NBPF14: variants seen among roughly 807,000 people sequenced by gnomAD.
NBPF14 encodes the protein NBPF member 14.
Under a neutral mutation model 91.2 loss-of-function variants are expected in NBPF14, and 104 were observed. The observed-to-expected ratio is 1.14, with a 90% CI of 0.97 to 1.34. NBPF14 has a LOEUF of 1.34. Among genes scored for constraint, NBPF14 ranks in the 40% most tolerant of loss-of-function variants. The probability of loss-of-function intolerance (pLI) is 0.00; values close to 1 mark genes in which losing one functional copy is unlikely to be tolerated. For missense variants in NBPF14, 908 were observed against 783.0 expected (o/e 1.16, Z -1.91); for synonymous variants, 294 against 303.8 (o/e 0.97, Z 0.34).
At chr1:148,587,170 G>A (rs1253442887) in intron 8 of NBPF14, 131 bp downstream of exon 8, 4 of 738,366 alleles carry the variant, frequency 5.4e-6, no homozygotes, top group Non-Finnish European at 9.5e-6. Context: ...ATATTTGTGT[G>A]TAGCGAGCCT....
chr1:148,566,542 A>T (rs1164486537), intron 28 of NBPF14, among the ~76,000 whole-genome samples: 1 of 90,938 alleles, frequency 1.1e-5, no homozygotes, highest in African/African-American at 3.9e-5. Context: ...CACACACACA[A>T]ACACACACAC....
chr1:148,532,042 AAC>A (rs1390654356), exon 71 of NBPF14: 10 of 151,230 alleles, frequency 6.6e-5, no homozygotes, highest in Admixed American at 2.6e-4. Context: ...CCATGACAAC[AAC>A]AAAAAGATGA....
Position 148,535,265 on chromosome 1 carries a change from G to A in NBPF14, c.8441+188C>T, listed in dbSNP as rs1361043755. ...GAGGTATGGTCAACCTACAGTAAGT[G>A]AGTAAATGATAAGGGGAGGAAGAAA... is the stretch of plus-strand genomic sequence containing the variant. On this transcript the variant is annotated intron_variant, in intron 68 of 70. Transcript: ENST00000619423. Among the ~76,000 whole-genome samples the A allele has an allele frequency of 7.0e-3, 805 of 114,864 alleles. 6 individuals carry two copies. The highest frequency in any genetic ancestry group is 0.024 in the African/African-American group (760 of 31,700). 75.4% of individuals were successfully genotyped at this position (114,864 alleles called of 152,430 possible).
intron 15 of NBPF14, 86 bp downstream of exon 15, chr1:148,577,097 G>A: frequency 3.2e-6 from 2 of 634,830 alleles, no homozygotes; most frequent in Non-Finnish European, 2.8e-6. Context: ...ACATCTCTCA[G>A]CTCAGTAAGG....
intron 7 of NBPF14, among the ~76,000 whole-genome samples, chr1:148,588,875 TAC>T (rs1662012571): frequency 7.5e-6 from 1 of 134,102 alleles, no homozygotes; most frequent in African/African-American, 2.8e-5. Context: ...TCTTATATGG[TAC>T]AGAGAGGATT....
chr1:148,532,460 G>A (rs1196786595), exon 71 of NBPF14: 45 of 154,016 alleles, frequency 2.9e-4, no homozygotes, highest in African/African-American at 1.1e-3. Context: ...GAAGGACTGT[G>A]GCTTCTCTAA....
intron 12 of NBPF14, among the ~76,000 whole-genome samples, chr1:148,581,448 C>A (rs1435023060): frequency 6.7e-6 from 1 of 150,240 alleles, no homozygotes; most frequent in Admixed American, 6.6e-5. Flanking sequence ...CTTCCACAAT[C>A]GTTGAACTAG....
At chr1:148,534,928 T>C (rs1654764793) in intron 68 of NBPF14, 72 bp from the exon 69 acceptor site, 14 of 739,236 alleles carry the variant, frequency 1.9e-5, no homozygotes, top group South Asian at 1.9e-4. Flanking sequence ...CTAGATTTCA[T>C]GGCTAACATA....
intron 2 of NBPF14, 124 bp from the exon 3 acceptor site, chr1:148,593,824 A>C: frequency 1.1e-6 from 1 of 930,092 alleles, no homozygotes; most frequent in South Asian, 1.5e-5. Flanking sequence ...CGGTCTAGAC[A>C]GGGATTTCCA....
At chr1:148,575,851 A>G in intron 16 of NBPF14, 40 bp from the exon 17 acceptor site, 1 of 303,294 alleles carries the variant, frequency 3.3e-6, no homozygotes, top group South Asian at 2.3e-5. Flanking sequence ...GCCAGGGGGA[A>G]TCAGAAACCA....
rs1173366246 is a variant in NBPF14, at chr1:148,572,428, C to G, written c.2758+15G>C. ...ACCAGGTGGAGGCTTATCACCTTCA[C>G]AGTAAGGTACTCACTGTCCACGTCA... is the stretch of plus-strand genomic sequence containing the variant. On this transcript the variant is annotated intron_variant, in intron 21 of 70. Transcript: ENST00000619423. 129 of 467,666 alleles carry G rather than the reference C, an allele frequency of 2.8e-4. 10 individuals carry two copies. Among genetic ancestry groups the G allele is most frequent in the Middle Eastern group, 9.9e-4 (2 of 2,014 alleles). 29.0% of individuals were successfully genotyped at this position (467,666 alleles called of 1,614,324 possible).
intron 13 of NBPF14, 70 bp from the exon 14 acceptor site, chr1:148,578,104 A>G: frequency 1.5e-6 from 1 of 675,142 alleles, no homozygotes; most frequent in Non-Finnish European, 2.6e-6. Context: ...TCCTCTGTCC[A>G]ATCCTAACAC....
rs1407751938 is a variant in NBPF14, at chr1:148,594,835, T to C, written c.175+708A>G. Among the ~76,000 whole-genome samples, 12 of 86,044 alleles carry C rather than the reference T, an allele frequency of 1.4e-4. 2 individuals carry two copies. Among genetic ancestry groups the C allele is most frequent in the Non-Finnish European group, 2.1e-4 (11 of 51,516 alleles). 56.4% of individuals were successfully genotyped at this position (86,044 alleles called of 152,430 possible). On this transcript the variant is annotated intron_variant, in intron 2 of 70. Transcript: ENST00000619423. Reference sequence around the variant, plus strand: ...GCCTCAGCCTCCCGATTAGTGGTGATTACAGTTGCCCGCCAGGATGCCCAT... The same window carrying C: ...GCCTCAGCCTCCCGATTAGTGGTGACTACAGTTGCCCGCCAGGATGCCCAT...
intron 28 of NBPF14, among the ~76,000 whole-genome samples, chr1:148,566,533 A>G (rs1658386497): frequency 8.1e-6 from 1 of 122,804 alleles, no homozygotes; most frequent in South Asian, 2.6e-4. Flanking sequence ...ACACACACAC[A>G]CACACACAAA....
chr1:148,557,685 G>C, intron 39 of NBPF14, 143 bp from the exon 40 acceptor site: 2 of 621,430 alleles, frequency 3.2e-6, no homozygotes, highest in Admixed American at 4.6e-5. Context: ...CAGGAGGCCT[G>C]AAAGCTGGTC....
intron 70 of NBPF14, 21 bp downstream of exon 70, chr1:148,533,840 T>A: frequency 1.3e-6 from 1 of 766,252 alleles, no homozygotes; most frequent in East Asian, 2.4e-5. Context: ...GAACTAAGGA[T>A]CCACAATTGC....
rs1242569142 is a variant in NBPF14 at position 148,589,951 on chromosome 1, C to T, written c.779-558G>A. Among the ~76,000 whole-genome samples the T allele has an allele frequency of 3.5e-5, 5 of 144,888 alleles. 1 individual carries two copies. The highest frequency in any genetic ancestry group is 2.3e-4 in the South Asian group (1 of 4,430). ...TTCGCCATCTTGGACAGGCTGGTTT[C>T]GAACTCCTGAGCTCAGGTGTTCCGC... On this transcript the variant is annotated intron_variant, in intron 6 of 70. Coordinates refer to ENST00000619423, the Ensembl canonical transcript of NBPF14.
In NBPF14 at chr1:148,533,784, A is replaced by G; in HGVS notation, c.8723+77T>C. The G allele has an allele frequency of 6.5e-6, 5 of 764,388 alleles. 1 individual carries two copies. Among genetic ancestry groups the G allele is most frequent in the South Asian group, 5.4e-5 (4 of 74,402 alleles). 47.4% of individuals were successfully genotyped at this position (764,388 alleles called of 1,614,324 possible). The stretch of plus-strand genomic sequence containing the variant: ...GCCTTTGTTGAAAATATGACATCAA[A>G]CACACTCTGGTTTCCCTGAATCTGT... On this transcript the variant is annotated intron_variant, in intron 70 of 70. Coordinates refer to ENST00000619423, the Ensembl canonical transcript of NBPF14.
chr1:148,562,237 T>A, exon 34 of NBPF14: 1 of 152,358 alleles, frequency 6.6e-6, no homozygotes, highest in Non-Finnish European at 1.1e-5. Flanking sequence ...CTCAGTTACC[T>A]GGGGCATGGT....
Sources: allele counts gnomAD v4.1 joint callset (sites outside exome capture counted in the v4.1 genomes callset), GRCh38; gene constraint gnomAD v4.1.1; transcripts MANE v1.5; gene names NCBI Gene and HGNC (gene_info 2026-07-23, HGNC 2026-07-21).